RHOU: variants seen among roughly 807,000 people sequenced by gnomAD.
RHOU encodes ras homolog family member U, also known as rho-related GTP-binding protein RhoU.
RHOU carries 8 observed loss-of-function variants against 12.6 expected under a neutral mutation model. The observed-to-expected ratio is 0.64, with a 90% CI of 0.37 to 1.15. The LOEUF (loss-of-function observed/expected upper bound fraction) is 1.15. Among genes scored for constraint, RHOU ranks in the 50% most tolerant of loss-of-function variants. The pLI, the probability that RHOU is intolerant of heterozygous loss-of-function variation, is 0.01. For missense variants in RHOU, 258 were observed against 347.0 expected (o/e 0.74, Z 2.04); for synonymous variants, 161 against 147.4 (o/e 1.09, Z -0.67).
rs748029275 is a variant in RHOU, at chr1:228,743,649, A to G, written c.686A>G (p.Gln229Arg). The change falls in exon 3 of 3, where the codon CAG becomes CGG. Residue 229 changes from glutamine (Q) to arginine (R), a missense_variant. Transcript: ENST00000366691. The surrounding 1 kb of genome is among the most constrained non-coding windows in gnomAD (Gnocchi z 5.1). ...IVAGIQYSDT[Q>R]QQPKKSKSRT... is the part of the protein sequence containing the mutation. Reference sequence around the variant, plus strand: ...GCTGGCATTCAATACTCGGACACTCAGCAACAGCCAAAGAAGTCTAAAAGC... The same window carrying G: ...GCTGGCATTCAATACTCGGACACTCGGCAACAGCCAAAGAAGTCTAAAAGC... 1 of 1,614,242 alleles carries G rather than the reference A, an allele frequency of 6.2e-7. No individual in the cohort carries two copies. Among genetic ancestry groups the G allele is most frequent in the Non-Finnish European group, 8.5e-7 (1 of 1,180,042 alleles).
the RHOU span, among the ~76,000 whole-genome samples, chr1:228,708,015 A>G: frequency 6.6e-6 from 1 of 152,236 alleles, no homozygotes. Context: ...AAGAATGCAG[A>G]AGCCTCAGGA....
the RHOU span, among the ~76,000 whole-genome samples, chr1:228,672,049 T>C: frequency 6.6e-6 from 1 of 152,350 alleles, no homozygotes; most frequent in South Asian, 2.1e-4. Flanking sequence ...TCAAAAGAGT[T>C]CCTGAAACTT....
the RHOU span, among the ~76,000 whole-genome samples, chr1:228,665,755 A>T: frequency 2.6e-5 from 4 of 152,138 alleles, no homozygotes; most frequent in African/African-American, 9.7e-5. Context: ...CCTTCAAGGA[A>T]TTGGAAGAAT....
chr1:228,662,294 T>G, the RHOU span, among the ~76,000 whole-genome samples: 3 of 152,182 alleles, frequency 2.0e-5, no homozygotes, highest in Non-Finnish European at 2.9e-5. Flanking sequence ...GATCTAGAAC[T>G]AGAAATACCA....
At chr1:228,668,035 C>T in the RHOU span, among the ~76,000 whole-genome samples, 1 of 151,970 alleles carries the variant, frequency 6.6e-6, no homozygotes, top group Non-Finnish European at 1.5e-5. Flanking sequence ...GACCTGGTTG[C>T]CAGAGTGATT....
At chr1:228,674,922 G>A in the RHOU span, among the ~76,000 whole-genome samples, 1 of 151,152 alleles carries the variant, frequency 6.6e-6, no homozygotes, top group South Asian at 2.1e-4. Flanking sequence ...GTAAAGACGG[G>A]ATTTCACCGT....
chr1:228,699,447 CAAAAAAAAAAAAAAAAA>C, the RHOU span, among the ~76,000 whole-genome samples: 2 of 40,582 alleles, frequency 4.9e-5, no homozygotes, highest in African/African-American at 1.5e-4. Flanking sequence ...GAACCTGTCT[CAAAAAAAAAAAAAAAAA>C]AAAAAAAAAA....
At chr1:228,697,397 C>T in the RHOU span, among the ~76,000 whole-genome samples, 1 of 152,176 alleles carries the variant, frequency 6.6e-6, no homozygotes, top group African/African-American at 2.4e-5. Flanking sequence ...GGAGCCAGCA[C>T]AGGAGTCAGA....
chr1:228,674,809 C>T, the RHOU span, among the ~76,000 whole-genome samples: 1 of 152,084 alleles, frequency 6.6e-6, no homozygotes, highest in Non-Finnish European at 1.5e-5. Context: ...CGGCTCACTG[C>T]AAGCTCCGCC....
chr1:228,647,127 A>T, the RHOU span, among the ~76,000 whole-genome samples: 4 of 152,124 alleles, frequency 2.6e-5, no homozygotes, highest in African/African-American at 9.7e-5. Flanking sequence ...AGTCCGGAAT[A>T]GGGTGGAGGG....
At chr1:228,648,947 C>T in the RHOU span, among the ~76,000 whole-genome samples, 5 of 152,068 alleles carry the variant, frequency 3.3e-5, no homozygotes, top group South Asian at 2.1e-4. Flanking sequence ...TCACCGCAAC[C>T]TCCTCTTCTG....
intron 1 of RHOU, among the ~76,000 whole-genome samples, chr1:228,736,237 C>T (rs1437552511): frequency 1.8e-5 from 2 of 109,962 alleles, no homozygotes; most frequent in African/African-American, 3.6e-5. Context: ...GAGAGGAGGG[C>T]GGAGCGGCAG....
chr1:228,706,158 A>G, the RHOU span, among the ~76,000 whole-genome samples: 27 of 152,220 alleles, frequency 1.8e-4, no homozygotes, highest in Admixed American at 1.7e-3. Flanking sequence ...CTGCTGTGAG[A>G]GAGCAATGGA....
At chr1:228,667,937 T>C in the RHOU span, among the ~76,000 whole-genome samples, 1 of 152,190 alleles carries the variant, frequency 6.6e-6, no homozygotes, top group Non-Finnish European at 1.5e-5. Flanking sequence ...TGATAGTCTT[T>C]TGTTATTTAT....
the RHOU span, among the ~76,000 whole-genome samples, chr1:228,667,489 G>A: frequency 6.6e-6 from 1 of 152,204 alleles, no homozygotes; most frequent in African/African-American, 2.4e-5. Context: ...CACGCCAGAA[G>A]CAGTCGGGGA....
At chr1:228,646,768 C>T in the RHOU span, among the ~76,000 whole-genome samples, 3 of 152,006 alleles carry the variant, frequency 2.0e-5, no homozygotes, top group African/African-American at 4.8e-5. Context: ...GTTCTCGTTC[C>T]GGAACCCGCA....
Position 228,737,876 on chromosome 1 carries a change from GGGT to G in RHOU, c.321+148_321+150del. ...ACCCCTGCTGTTGGCCCTTCTCTGA[GGGT>G]GGGCAGGGGCCAGGTTATTGGCCGG... On this transcript the variant is annotated intron_variant, in intron 2 of 2. Transcript: ENST00000366691. The surrounding 1 kb of genome is among the most constrained non-coding windows in gnomAD (Gnocchi z 4.1). 1 of 782,866 alleles carries G rather than the reference GGGT, an allele frequency of 1.3e-6. No homozygotes were observed. The highest frequency in any genetic ancestry group is 2.3e-5 in the Admixed American group (1 of 43,114). The allele number at this position is 782,866 out of a possible 1,614,324, so 48.5% of individuals were successfully genotyped here.
chr1:228,733,804 A>AT (rs1662541188), upstream of RHOU, among the ~76,000 whole-genome samples: 1 of 152,352 alleles, frequency 6.6e-6, no homozygotes, highest in South Asian at 2.1e-4. Flanking sequence ...TAGCAACAAC[A>AT]TATCTACATA....
At chr1:228,668,408 G>A in the RHOU span, among the ~76,000 whole-genome samples, 1 of 152,176 alleles carries the variant, frequency 6.6e-6, no homozygotes, top group Non-Finnish European at 1.5e-5. Context: ...CCCAAATTGC[G>A]ATTGGCATGT....
Sources: allele counts gnomAD v4.1 joint callset (sites outside exome capture counted in the v4.1 genomes callset), GRCh38; gene constraint gnomAD v4.1.1; non-coding constraint Gnocchi (gnomAD v3.1); transcripts MANE v1.5; gene names NCBI Gene and HGNC (gene_info 2026-07-23, HGNC 2026-07-21).